The following ZNF215 variants were observed in gnomAD, a reference collection of about 807,000 sequenced individuals.
The protein encoded by ZNF215 is zinc finger protein 215.
Under a neutral mutation model 27.2 loss-of-function variants are expected in ZNF215, and 24 were observed. That is an observed-to-expected ratio of 0.88 (90% CI 0.64 to 1.24). The LOEUF (loss-of-function observed/expected upper bound fraction) is 1.24. Ranked by LOEUF, ZNF215 falls within the 50% of genes most tolerant of loss-of-function variation. ZNF215 has a pLI of 0.00. For missense variants in ZNF215, 675 were observed against 605.7 expected (o/e 1.11, Z -1.20); for synonymous variants, 210 against 204.0 (o/e 1.03, Z -0.25).
rs182721334 is a variant in ZNF215, at chr11:6,966,242, C to T, written c.805+10460C>T. On this transcript the variant is annotated intron_variant, in intron 5 of 5. Coordinates refer to the ZNF215 transcript ENST00000529903. ...TGGAGCTGGAGGCCATAATCCTAAGCAAATTAATGCAAGAACAGAAAACCA... is the reference window on the plus strand; with the variant it reads ...TGGAGCTGGAGGCCATAATCCTAAGTAAATTAATGCAAGAACAGAAAACCA... Among the ~76,000 whole-genome samples the T allele has an allele frequency of 1.6e-3, 245 of 152,096 alleles. 1 individual carries two copies. The highest frequency in any genetic ancestry group is 5.6e-3 in the African/African-American group (233 of 41,496).
chr11:6,972,911 A>T (rs79053526), intron 5 of ZNF215, among the ~76,000 whole-genome samples: 1 of 151,824 alleles, frequency 6.6e-6, no homozygotes, highest in African/African-American at 2.4e-5. Flanking sequence ...GATTTTTTTA[A>T]TTTTTTTTAT....
At chr11:6,948,262 A>G (rs1042615613) in intron 6 of ZNF215, among the ~76,000 whole-genome samples, 9 of 152,116 alleles carry the variant, frequency 5.9e-5, no homozygotes, top group African/African-American at 2.2e-4. Context: ...CTCACCTACT[A>G]TGGCATCAAG....
intron 3 of ZNF215, among the ~76,000 whole-genome samples, chr11:6,938,717 A>G (rs1296316314): frequency 1.3e-5 from 2 of 152,114 alleles, no homozygotes; most frequent in African/African-American, 4.8e-5. Flanking sequence ...AAATTCGTAG[A>G]GACAGTATAA....
chr11:6,971,908 G>A (rs1473921645), intron 5 of ZNF215, among the ~76,000 whole-genome samples: 1 of 152,076 alleles, frequency 6.6e-6, no homozygotes, highest in Non-Finnish European at 1.5e-5. Flanking sequence ...ACTGGAAAAT[G>A]TTATAGAGTA....
At chr11:6,945,995 C>T (rs1344997222) in intron 6 of ZNF215, among the ~76,000 whole-genome samples, 1 of 152,034 alleles carries the variant, frequency 6.6e-6, no homozygotes, top group African/African-American at 2.4e-5. Context: ...TTCTATTATT[C>T]CCTGAGTAAA....
At chr11:6,991,691 A>T (rs1851119152), downstream of ZNF215, among the ~76,000 whole-genome samples, 1 of 152,090 alleles carries the variant, frequency 6.6e-6, no homozygotes, top group African/African-American at 2.4e-5. Context: ...GAGTTCTCAT[A>T]TTTTCATTGC....
downstream of ZNF215, chr11:6,958,180 T>TA (rs2133310191): frequency 1.7e-6 from 1 of 585,192 alleles, no homozygotes; most frequent in Non-Finnish European, 2.2e-6. Context: ...ACTCTGAATG[T>TA]AAAAAATTCT....
intron 6 of ZNF215, among the ~76,000 whole-genome samples, chr11:6,949,307 C>T (rs545187811): frequency 6.6e-6 from 1 of 152,158 alleles, no homozygotes; most frequent in Non-Finnish European, 1.5e-5. Flanking sequence ...AGTTCAAGAT[C>T]CCTGAGGAAT....
At chr11:6,950,660 C>T (rs1489600021) in intron 6 of ZNF215, among the ~76,000 whole-genome samples, 9 of 151,316 alleles carry the variant, frequency 5.9e-5, no homozygotes, top group African/African-American at 1.9e-4. Flanking sequence ...TCTAGATATA[C>T]AATCATGTCA....
chr11:6,979,202 T>C (rs1009413385), intron 5 of ZNF215, among the ~76,000 whole-genome samples: 1 of 152,050 alleles, frequency 6.6e-6, no homozygotes, highest in Non-Finnish European at 1.5e-5. Flanking sequence ...TCTATGATAC[T>C]GTACTCTGAG....
intron 6 of ZNF215, among the ~76,000 whole-genome samples, chr11:6,951,035 T>G (rs201407795): frequency 5.9e-5 from 9 of 152,106 alleles, no homozygotes; most frequent in Admixed American, 2.0e-4. Context: ...TGGATTACAT[T>G]TATTGATTTG....
downstream of ZNF215, among the ~76,000 whole-genome samples, chr11:6,993,881 T>G (rs902504515): frequency 6.6e-6 from 1 of 152,212 alleles, no homozygotes; most frequent in Admixed American, 6.5e-5. Flanking sequence ...CCAAGGTGCA[T>G]GTGACCAGCT....
chr11:6,936,859 C>A (rs1372431684), intron 3 of ZNF215, among the ~76,000 whole-genome samples: 7 of 150,218 alleles, frequency 4.7e-5, no homozygotes, highest in African/African-American at 1.7e-4. Context: ...GCAGAAAAAG[C>A]ATCTGACAAA....
At chr11:6,966,984 T>G (rs1283123113) in intron 5 of ZNF215, among the ~76,000 whole-genome samples, 1 of 151,878 alleles carries the variant, frequency 6.6e-6, no homozygotes, top group Non-Finnish European at 1.5e-5. Context: ...CGACAGGCCC[T>G]GGTGTATGAT....
chr11:6,970,565 G>T (rs1850700159), intron 5 of ZNF215, among the ~76,000 whole-genome samples: 1 of 152,118 alleles, frequency 6.6e-6, no homozygotes, highest in South Asian at 2.1e-4. Context: ...TAATGCCTAG[G>T]ATTTGCTTGA....
chr11:6,988,405 A>C, downstream of ZNF215: 1 of 266,908 alleles, frequency 3.7e-6, no homozygotes, highest in Non-Finnish European at 5.8e-6. Flanking sequence ...ACTAGGCTTT[A>C]ATGTAACTGA....
chr11:6,956,873 G>A lies in ZNF215; in HGVS notation c.*342G>A, dbSNP rs1357601161. On this transcript the variant is annotated 3_prime_UTR_variant, in exon 7 of 7. Transcript: ENST00000278319. ...ACTAATATCCACCTGATTTATTGAC[G>A]AAGTAGACATTAGGCAAAGCCAAAC... The A allele has an allele frequency of 1.3e-5, 13 of 1,012,042 alleles. No individual in the cohort carries two copies. Among genetic ancestry groups the A allele is most frequent in the Admixed American group, 5.3e-5 (1 of 18,906 alleles). The allele number at this position is 1,012,042 out of a possible 1,614,324, so 62.7% of individuals were successfully genotyped here. A position where few individuals can be genotyped will look rare whatever the true frequency, so the allele number is the denominator to read the frequency against.
chr11:6,975,497 T>G (rs111320431), intron 5 of ZNF215, among the ~76,000 whole-genome samples: 1,569 of 151,958 alleles, frequency 0.01, 26 homozygotes, highest in African/African-American at 0.036. Flanking sequence ...CCATTAACCA[T>G]CCCCACCAGC....
intron 5 of ZNF215, among the ~76,000 whole-genome samples, chr11:6,981,531 T>C (rs1369733659): frequency 1.3e-5 from 2 of 152,204 alleles, no homozygotes; most frequent in Admixed American, 6.5e-5. Flanking sequence ...ATGAGTAGGT[T>C]GTGAAAATTT....
Sources: allele counts gnomAD v4.1 joint callset (sites outside exome capture counted in the v4.1 genomes callset), GRCh38; gene constraint gnomAD v4.1.1; transcripts MANE v1.5; gene names NCBI Gene and HGNC (gene_info 2026-07-23, HGNC 2026-07-21).